Variants in SGCD observed in about 807,000 individuals in gnomAD.
The protein encoded by SGCD is sarcoglycan delta, also known as delta-sarcoglycan.
In SGCD, 18 loss-of-function variants were observed where a neutral mutation model predicts 36.6. The observed-to-expected ratio is 0.49, with a 90% confidence interval of 0.34 to 0.73. SGCD has a LOEUF of 0.73. Among genes scored for constraint, SGCD ranks in the 30% least tolerant of loss-of-function variants. The pLI, the probability that SGCD is intolerant of heterozygous loss-of-function variation, is 0.01. For synonymous variants in SGCD, 133 were observed against 130.6 expected, an observed-to-expected ratio of 1.02 and a Z score of -0.12; for missense variants, 387 against 346.7, an observed-to-expected ratio of 1.12 and a Z score of -0.92.
At chr5:156,252,688 G>A (rs1003624817) in intron 3 of SGCD, among the ~76,000 whole-genome samples, 2 of 152,156 alleles carry the variant, frequency 1.3e-5, no homozygotes, top group Non-Finnish European at 2.9e-5. Flanking sequence ...CAGTTTACCA[G>A]CAAGCAGGGA....
At chr5:156,575,267 C>T (rs1759888106) in intron 4 of SGCD, among the ~76,000 whole-genome samples, 1 of 152,180 alleles carries the variant, frequency 6.6e-6, no homozygotes, top group African/African-American at 2.4e-5. Flanking sequence ...ACAGCTGCCT[C>T]CTTGAACTGC....
At chr5:156,274,839 TC>T (rs1461106719) in intron 3 of SGCD, among the ~76,000 whole-genome samples, 1 of 152,136 alleles carries the variant, frequency 6.6e-6, no homozygotes, top group African/African-American at 2.4e-5. Context: ...ATGTTCCTCC[TC>T]TTCTCCTGTG....
chr5:156,559,218 C>T (rs966356939), intron 4 of SGCD, among the ~76,000 whole-genome samples: 1 of 152,066 alleles, frequency 6.6e-6, no homozygotes, highest in Non-Finnish European at 1.5e-5. Context: ...CAAAAGTGCC[C>T]CTGGCTCTCT....
chr5:156,294,223 A>T (rs1411690572), intron 3 of SGCD, among the ~76,000 whole-genome samples: 1 of 145,532 alleles, frequency 6.9e-6, no homozygotes, highest in African/African-American at 2.8e-5. Flanking sequence ...GTTATAACAG[A>T]GATTTTTTGG....
At chr5:156,702,060 G>C (rs2113731681) in intron 7 of SGCD, among the ~76,000 whole-genome samples, 1 of 152,246 alleles carries the variant, frequency 6.6e-6, no homozygotes, top group African/African-American at 2.4e-5. Context: ...TTGCTCCCCT[G>C]TTTGCCTTGT....
intron 1 of SGCD, among the ~76,000 whole-genome samples, chr5:155,990,429 C>T (rs552533963): frequency 1.9e-4 from 29 of 152,164 alleles, no homozygotes; most frequent in Admixed American, 1.2e-3. Context: ...TATCTGTTTT[C>T]GGTAAGGAAA....
At chr5:155,950,907 G>T (rs536350889) in intron 1 of SGCD, among the ~76,000 whole-genome samples, 1 of 152,104 alleles carries the variant, frequency 6.6e-6, no homozygotes, top group African/African-American at 2.4e-5. Flanking sequence ...ATCCTTACCT[G>T]GTTTTAAAAG....
chr5:156,410,480 C>G (rs201588013), intron 3 of SGCD, among the ~76,000 whole-genome samples: 1 of 152,162 alleles, frequency 6.6e-6, no homozygotes, highest in Non-Finnish European at 1.5e-5. Context: ...GTGCAATATA[C>G]CCATGTAACA....
rs541466123 is a variant in SGCD, at chr5:156,330,676, T to C, written c.3+1097T>C. On this transcript the variant is annotated intron_variant, in intron 2 of 8. Transcript: ENST00000337851. Reference sequence around the variant, plus strand: ...TGGCTCCTTGAGCTCAACTTAGTCATCTGAACAATGCACATTCCATGGTGA... The same window carrying C: ...TGGCTCCTTGAGCTCAACTTAGTCACCTGAACAATGCACATTCCATGGTGA... Among the ~76,000 whole-genome samples the C allele has an allele frequency of 1.1e-4, 16 of 152,314 alleles. No homozygotes were observed. In the East Asian group the frequency reaches 2.1e-3, roughly 20 times the overall value.
chr5:156,454,520 G>C (rs1382602729), intron 3 of SGCD, among the ~76,000 whole-genome samples: 1 of 152,168 alleles, frequency 6.6e-6, no homozygotes, highest in Non-Finnish European at 1.5e-5. Flanking sequence ...TAGCAAAGAA[G>C]TTTGCTTGTT....
At chr5:156,703,792 T>G (rs1452212299) in intron 7 of SGCD, among the ~76,000 whole-genome samples, 3 of 152,130 alleles carry the variant, frequency 2.0e-5, no homozygotes, top group African/African-American at 7.2e-5. Context: ...ATCTTATAAT[T>G]TTCTCCCACC....
At chr5:156,447,852 A>G (rs1016203305) in intron 3 of SGCD, among the ~76,000 whole-genome samples, 3 of 152,198 alleles carry the variant, frequency 2.0e-5, no homozygotes, top group African/African-American at 4.8e-5. Flanking sequence ...AGTACTTACC[A>G]TAAATCAGGT....
At chr5:156,715,675 T>C (rs1469107370) in intron 7 of SGCD, among the ~76,000 whole-genome samples, 1 of 152,228 alleles carries the variant, frequency 6.6e-6, no homozygotes, top group African/African-American at 2.4e-5. Flanking sequence ...ACTTATTAAC[T>C]ATGTCATTTC....
chr5:155,851,497 C>T, the SGCD span, among the ~76,000 whole-genome samples: 2 of 152,090 alleles, frequency 1.3e-5, no homozygotes, highest in African/African-American at 4.8e-5. Flanking sequence ...TGTACAAAAA[C>T]ACACCAACCA....
chr5:156,235,228 G>A (rs548685904), intron 3 of SGCD, among the ~76,000 whole-genome samples: 2 of 109,036 alleles, frequency 1.8e-5, no homozygotes, highest in Non-Finnish European at 3.9e-5. Flanking sequence ...AATGAGATTT[G>A]GAGGACTGTG....
chr5:156,242,420 G>A (rs1269512565), intron 3 of SGCD, among the ~76,000 whole-genome samples: 1 of 152,152 alleles, frequency 6.6e-6, no homozygotes, highest in African/African-American at 2.4e-5. Flanking sequence ...GACTCAGGTG[G>A]TGTAGACATG....
intron 3 of SGCD, among the ~76,000 whole-genome samples, chr5:156,187,617 G>A (rs1310070873): frequency 1.4e-5 from 2 of 144,442 alleles, no homozygotes; most frequent in Non-Finnish European, 3.1e-5. Context: ...TGATGTATGA[G>A]GATTAGGTGT....
At chr5:156,335,820 A>G (rs913710797) in intron 2 of SGCD, among the ~76,000 whole-genome samples, 5 of 152,040 alleles carry the variant, frequency 3.3e-5, no homozygotes, top group Non-Finnish European at 7.4e-5. Context: ...GCTTTCCCAC[A>G]AGATTCCAGA....
chr5:156,308,515 G>T (rs1243687123), intron 3 of SGCD, among the ~76,000 whole-genome samples: 3 of 152,130 alleles, frequency 2.0e-5, no homozygotes, highest in African/African-American at 7.2e-5. Context: ...AGCCAGGATG[G>T]TCTCGATCTC....
Sources: allele counts gnomAD v4.1 joint callset (sites outside exome capture counted in the v4.1 genomes callset), GRCh38; gene constraint gnomAD v4.1.1; transcripts MANE v1.5; gene names NCBI Gene and HGNC (gene_info 2026-07-23, HGNC 2026-07-21).